Variants in TIAM1 observed in about 807,000 individuals in gnomAD.
The protein encoded by TIAM1 is TIAM Rac1 associated GEF 1, also known as rho guanine nucleotide exchange factor TIAM1.
TIAM1 carries 65 observed loss-of-function variants against 163.5 expected under a neutral mutation model. The observed-to-expected ratio is 0.40, with a 90% CI of 0.33 to 0.49. The LOEUF is 0.49. TIAM1 is among the 20% of genes least tolerant of loss of function. The pLI is 0.77. For missense variants in TIAM1, 1,789 were observed against 2,044.7 expected (o/e 0.87, Z 2.41); for synonymous variants, 833 against 810.1 (o/e 1.03, Z -0.48).
Position 31,186,984 on chromosome 21 carries a change from C to G in TIAM1, c.2662+17G>C. On this transcript the variant is annotated intron_variant, in intron 14 of 27. Transcript: ENST00000541036. ...GGCATTTAAGACAGACAGACCAGCCCTCCTTCACTGACTTACCTTTCTTGG... is the reference window on the plus strand; with the variant it reads ...GGCATTTAAGACAGACAGACCAGCCGTCCTTCACTGACTTACCTTTCTTGG... 6.2e-7 allele frequency: 1 copy of G among 1,612,492 alleles called. No homozygotes were observed. Among genetic ancestry groups the G allele is most frequent in the Non-Finnish European group, 8.5e-7 (1 of 1,178,576 alleles).
chr21:31,307,347 C>T (rs2074752154), intron 2 of TIAM1, among the ~76,000 whole-genome samples: 1 of 152,166 alleles, frequency 6.6e-6, no homozygotes, highest in Non-Finnish European at 1.5e-5. Context: ...TGCCAAGCCA[C>T]TCTTATGACC....
At position 31,353,835 on chromosome 21, in the gene TIAM1, C is replaced by CTTTTTTTTTTTTTTTTTTTTTT. The variant is rs71193103; in HGVS notation, c.-368-14414_-368-14413insAAAAAAAAAAAAAAAAAAAAAA. 2.0e-4 allele frequency among the ~76,000 whole-genome samples: 14 copies of CTTTTTTTTTTTTTTTTTTTTTT among 71,248 alleles called. 1 individual carries two copies. The highest frequency in any genetic ancestry group is 1.2e-3 in the East Asian group (2 of 1,738). 46.7% of individuals were successfully genotyped at this position (71,248 alleles called of 152,430 possible). ...TGTTTTTATTTATTTATTTATTTAT[C>CTTTTTTTTTTTTTTTTTTTTTT]TTTTTTTTTTTTTTTTTTTTTGAGA... On this transcript the variant is annotated intron_variant, in intron 2 of 28. Coordinates refer to the TIAM1 transcript ENST00000286827.
intron 2 of TIAM1, among the ~76,000 whole-genome samples, chr21:31,284,893 G>T (rs1165879432): frequency 6.6e-6 from 1 of 152,034 alleles, no homozygotes; most frequent in Non-Finnish European, 1.5e-5. Flanking sequence ...GCCCAACATG[G>T]GAAGTCAGGG....
At chr21:31,315,409 G>T (rs1017068261) in intron 2 of TIAM1, among the ~76,000 whole-genome samples, 9 of 151,988 alleles carry the variant, frequency 5.9e-5, no homozygotes, top group African/African-American at 2.2e-4. Context: ...CAGCTACTCG[G>T]GAGGCTGAGG....
intron 2 of TIAM1, among the ~76,000 whole-genome samples, chr21:31,456,016 C>T (rs966887718): frequency 9.9e-5 from 15 of 152,100 alleles, no homozygotes; most frequent in South Asian, 8.3e-4. Context: ...CGGATATCAA[C>T]GGCTATCTTG....
At chr21:31,412,453 T>C (rs2077375172) in intron 2 of TIAM1, among the ~76,000 whole-genome samples, 1 of 152,040 alleles carries the variant, frequency 6.6e-6, no homozygotes, top group Admixed American at 6.6e-5. Flanking sequence ...GGGATGAAAC[T>C]GCTCCACCTC....
chr21:31,162,522 C>A (rs188481520), intron 16 of TIAM1, among the ~76,000 whole-genome samples: 11 of 152,214 alleles, frequency 7.2e-5, no homozygotes, highest in African/African-American at 2.4e-4. Context: ...ATTTCGGACA[C>A]AGAATTACAC....
intron 2 of TIAM1, among the ~76,000 whole-genome samples, chr21:31,300,385 C>A (rs908772732): frequency 6.6e-6 from 1 of 151,594 alleles, no homozygotes; most frequent in African/African-American, 2.4e-5. Context: ...TGGAATTTTT[C>A]AAAAAAAATA....
At chr21:31,170,112 GATTA>G (rs1448551112) in intron 15 of TIAM1, among the ~76,000 whole-genome samples, 9 of 152,196 alleles carry the variant, frequency 5.9e-5, no homozygotes, top group African/African-American at 1.9e-4. Context: ...TTCATGTTTA[GATTA>G]TAGAAAAAAA....
intron 1 of TIAM1, among the ~76,000 whole-genome samples, chr21:31,517,702 C>G (rs1193273941): frequency 6.6e-6 from 1 of 152,148 alleles, no homozygotes; most frequent in East Asian, 1.9e-4. Flanking sequence ...ACAACAGATG[C>G]AAGAAGGGCA....
At chr21:31,519,973 T>C (rs1183578349) in intron 1 of TIAM1, among the ~76,000 whole-genome samples, 1 of 152,142 alleles carries the variant, frequency 6.6e-6, no homozygotes, top group Non-Finnish European at 1.5e-5. Context: ...GTTCTGGAGA[T>C]GGCTGCTGGT....
At chr21:31,184,262 T>C (rs1362110314) in intron 14 of TIAM1, among the ~76,000 whole-genome samples, 3 of 151,924 alleles carry the variant, frequency 2.0e-5, no homozygotes, top group Non-Finnish European at 2.9e-5. Flanking sequence ...CGCACCACCA[T>C]GCCCAGCTAA....
intron 2 of TIAM1, among the ~76,000 whole-genome samples, chr21:31,456,807 T>C (rs1434076706): frequency 1.3e-5 from 2 of 152,146 alleles, no homozygotes; most frequent in South Asian, 2.1e-4. Context: ...ACCTTTTACT[T>C]AAACATCATC....
chr21:31,343,211 G>GTA, intron 1 of TIAM1, among the ~76,000 whole-genome samples: 1 of 152,294 alleles, frequency 6.6e-6, no homozygotes, highest in Non-Finnish European at 1.5e-5. Flanking sequence ...AGTGCAACAG[G>GTA]TAACAGTTAA....
intron 2 of TIAM1, among the ~76,000 whole-genome samples, chr21:31,397,254 C>A (rs886613909): frequency 2.0e-5 from 3 of 152,244 alleles, no homozygotes; most frequent in African/African-American, 4.8e-5. Context: ...AACTATCATG[C>A]CCGTTTGTAA....
At chr21:31,220,465 T>C (rs1379400763) in intron 8 of TIAM1, among the ~76,000 whole-genome samples, 1 of 152,184 alleles carries the variant, frequency 6.6e-6, no homozygotes, top group Non-Finnish European at 1.5e-5. Flanking sequence ...AACCTGCACG[T>C]TGTGCACATG....
Position 31,120,639 on chromosome 21 carries a change from G to C in TIAM1, c.4505C>G (p.Thr1502Arg). The C allele has an allele frequency of 1.2e-6, 2 of 1,614,114 alleles. No individual in the cohort carries two copies. The highest frequency in any genetic ancestry group is 1.7e-6 in the Non-Finnish European group (2 of 1,180,036). Residue 1502 changes from threonine (T) to arginine (R), a missense_variant, in exon 28 of 28, where the codon ACA becomes AGA. Thr to Arg is a moderately conservative substitution (Grantham distance 71). Transcript: ENST00000541036. This position sits in a 1 kb window ranked among gnomAD's most constrained non-coding sequence, Gnocchi z 4.2. ...QYEEQDDIKETDILSDDDEFC... is the reference protein window; with the variant it reads ...QYEEQDDIKERDILSDDDEFC... ...CTCATCATCGTCACTGAGGATGTCT[G>C]TCTCCTTGATGTCATCTTGCTCCTC...
Position 31,266,551 on chromosome 21 carries a change from T to C in TIAM1, c.422A>G (p.Tyr141Cys), listed in dbSNP as rs769794092. 6.8e-6 allele frequency: 11 copies of C among 1,614,202 alleles called. No homozygotes were observed. Among genetic ancestry groups the C allele is most frequent in the Non-Finnish European group, 9.3e-6 (11 of 1,180,028 alleles). Residue 141 changes from tyrosine to cysteine, a missense_variant, in exon 4 of 28, where the codon TAT becomes TGT. By Grantham distance (194) the Tyr-to-Cys change is radical (BLOSUM62 -2). This residue lies in a region of TIAM1 where 555 missense variants were observed against 564.9 expected (regional missense o/e 0.98). Coordinates refer to ENST00000541036, the MANE Select transcript of TIAM1 (RefSeq NM_001353694.2). ...CTGCCTCCTGCCTCCCTCAGCCAAATATGTAGCGTCATCCCCGTAAAGCCT... is the reference window on the plus strand; with the variant it reads ...CTGCCTCCTGCCTCCCTCAGCCAAACATGTAGCGTCATCCCCGTAAAGCCT... Reference protein sequence around the residue: ...ESRLYGDDATYLAEGGRRQHS... With the variant: ...ESRLYGDDATCLAEGGRRQHS...
intron 1 of TIAM1, among the ~76,000 whole-genome samples, chr21:31,549,658 A>C (rs974033424): frequency 6.6e-6 from 1 of 152,210 alleles, no homozygotes; most frequent in Non-Finnish European, 1.5e-5. Flanking sequence ...AAAAAGACAG[A>C]CAATAACAAG....
Sources: allele counts gnomAD v4.1 joint callset (sites outside exome capture counted in the v4.1 genomes callset), GRCh38; gene constraint gnomAD v4.1.1; regional missense constraint gnomAD v4.1.1; non-coding constraint Gnocchi (gnomAD v3.1); transcripts MANE v1.5; gene names NCBI Gene and HGNC (gene_info 2026-07-23, HGNC 2026-07-21).